XKR4: variants seen among roughly 807,000 people sequenced by gnomAD.
XKR4 encodes XK-related protein 4.
Under a neutral mutation model 53.9 loss-of-function variants are expected in XKR4, and 12 were observed. That is an observed-to-expected ratio of 0.22 (90% CI 0.14 to 0.36). The LOEUF (loss-of-function observed/expected upper bound fraction) is 0.36, where lower values mean the gene tolerates loss of function less well. Ranked by LOEUF, XKR4 falls within the 10% of genes least tolerant of loss-of-function variation. The probability of loss-of-function intolerance (pLI) is 1.00; values close to 1 mark genes in which losing one functional copy is unlikely to be tolerated. For missense variants in XKR4, 799 were observed against 859.5 expected (o/e 0.93, Z 0.88); for synonymous variants, 354 against 362.4 (o/e 0.98, Z 0.26).
chr8:55,357,859 A>C lies in XKR4; in HGVS notation c.988A>C (p.Ser330Arg). 6.2e-7 allele frequency: 1 copy of C among 1,613,114 alleles called. No homozygotes were observed. Among genetic ancestry groups the C allele is most frequent in the Non-Finnish European group, 8.5e-7 (1 of 1,179,136 alleles). ...LQLCIIVQTHSLQALQGFTAA... is the reference protein window; with the variant it reads ...LQLCIIVQTHRLQALQGFTAA... ...GCTCTGCATTATCGTACAGACTCAT[A>C]GCTTACAGGCCCTCCAAGGTAAGGG... The change falls in exon 2 of 3, where the codon AGC (serine) becomes CGC (arginine). Residue 330 changes from serine (S) to arginine (R), a missense_variant. Physicochemically the swap from Ser to Arg is moderately radical, Grantham distance 110. Coordinates refer to ENST00000327381, the MANE Select transcript of XKR4 (RefSeq NM_052898.2).
chr8:55,389,932 C>G (rs888403400), intron 2 of XKR4, among the ~76,000 whole-genome samples: 4 of 152,146 alleles, frequency 2.6e-5, no homozygotes, highest in African/African-American at 4.8e-5. Context: ...CCAAGACTCA[C>G]GTCAATGTTC....
chr8:55,431,423 C>T (rs1480811330), intron 2 of XKR4, among the ~76,000 whole-genome samples: 2 of 152,038 alleles, frequency 1.3e-5, no homozygotes, highest in Non-Finnish European at 2.9e-5. Flanking sequence ...CTTTTAAATG[C>T]CAGTATTTAA....
intron 1 of XKR4, among the ~76,000 whole-genome samples, chr8:55,262,863 T>G (rs1818546827): frequency 6.6e-6 from 1 of 152,170 alleles, no homozygotes; most frequent in Admixed American, 6.5e-5. Flanking sequence ...TCCCGTAGGC[T>G]AGATGGATGC....
At position 55,483,138 on chromosome 8, in the gene XKR4, G is replaced by T. The variant is rs145537481; in HGVS notation, c.1007-40143G>T. Among the ~76,000 whole-genome samples the T allele has an allele frequency of 2.5e-3, 385 of 152,220 alleles. 1 individual carries two copies. The highest frequency in any genetic ancestry group is 8.9e-3 in the African/African-American group (370 of 41,546). On this transcript the variant is annotated intron_variant, in intron 2 of 2. Coordinates refer to ENST00000327381, the MANE Select transcript of XKR4 (RefSeq NM_052898.2). ...TCTGTATTGTTTGGGAAAAAAATGG[G>T]TGTATAATTAGGAACCCGGATTCCA...
chr8:55,237,472 T>C (rs1818150197), intron 1 of XKR4, among the ~76,000 whole-genome samples: 1 of 152,116 alleles, frequency 6.6e-6, no homozygotes, highest in Non-Finnish European at 1.5e-5. Flanking sequence ...ATTCATTGAG[T>C]GGAAGTGGAT....
intron 2 of XKR4, among the ~76,000 whole-genome samples, chr8:55,385,779 C>T (rs771820294): frequency 6.6e-5 from 10 of 152,144 alleles, no homozygotes; most frequent in Non-Finnish European, 1.2e-4. Context: ...ACATTGCACT[C>T]ATATGCAAAT....
At chr8:55,349,595 C>T (rs1398112434) in intron 1 of XKR4, among the ~76,000 whole-genome samples, 1 of 152,070 alleles carries the variant, frequency 6.6e-6, no homozygotes, top group Non-Finnish European at 1.5e-5. Flanking sequence ...TGAGGATCAG[C>T]GCCTGAAAAA....
chr8:55,385,223 T>A (rs1804291521), intron 2 of XKR4, among the ~76,000 whole-genome samples: 1 of 152,120 alleles, frequency 6.6e-6, no homozygotes, highest in African/African-American at 2.4e-5. Context: ...CTCCGCCTCA[T>A]CTTTCTTGTT....
At chr8:55,138,989 C>T (rs930216604) in intron 1 of XKR4, among the ~76,000 whole-genome samples, 3 of 152,166 alleles carry the variant, frequency 2.0e-5, no homozygotes, top group Non-Finnish European at 4.4e-5. Context: ...TGACGTGGCT[C>T]GTCTGTCTGA....
Position 55,530,820 on chromosome 8 carries a change from A to G in XKR4, c.*6593A>G, listed in dbSNP as rs1806941887. 2 of 152,196 alleles carry G rather than the reference A, an allele frequency of 1.3e-5. No homozygotes were observed. The highest frequency in any genetic ancestry group is 1.9e-4 in the East Asian group (1 of 5,202). 9.4% of individuals were successfully genotyped at this position (152,196 alleles called of 1,614,324 possible). On this transcript the variant is annotated 3_prime_UTR_variant, in exon 3 of 3. Coordinates refer to ENST00000327381, the MANE Select transcript of XKR4 (RefSeq NM_052898.2). ...ATAGATGAGACAACTGAGATCCAAA[A>G]AGAACAGGTAATTTTTGTGATCAGG...
rs1818585254 is a variant in XKR4, at chr8:55,265,517, G to C, written c.807-92161G>C. On this transcript the variant is annotated intron_variant, in intron 1 of 2. Transcript: ENST00000327381. The stretch of plus-strand genomic sequence containing the variant: ...GTGAGTTTCTCAGAGACAGAAGTAG[G>C]GAAGATAAGTAGGGTGTAAAAACCA... 3.3e-5 allele frequency among the ~76,000 whole-genome samples: 5 copies of C among 152,260 alleles called. No homozygotes were observed. The South Asian group carries it at 8.3e-4, about 25-fold the overall frequency.
At chr8:55,306,087 A>G (rs887733526) in intron 1 of XKR4, among the ~76,000 whole-genome samples, 22 of 152,264 alleles carry the variant, frequency 1.4e-4, no homozygotes, top group Non-Finnish European at 2.9e-4. Flanking sequence ...ACAAACCACA[A>G]TTTTGTTTAA....
chr8:55,253,807 T>C (rs1213688888), intron 1 of XKR4, among the ~76,000 whole-genome samples: 1 of 151,082 alleles, frequency 6.6e-6, no homozygotes, highest in African/African-American at 2.4e-5. Context: ...GATCATGGCT[T>C]ACTGCAGCCT....
At position 55,540,875 on chromosome 8, in the gene XKR4, T is replaced by C. The variant is rs1045132158; in HGVS notation, c.*16648T>C. ...GTGTGAGCCTGAGTTACAAATGACA[T>C]GACTAGGGATACAAACTTCGTCTGT... On this transcript the variant is annotated 3_prime_UTR_variant, in exon 3 of 3. Transcript: ENST00000327381. 1 of 152,190 alleles carries C rather than the reference T, an allele frequency of 6.6e-6. No individual in the cohort carries two copies. Among genetic ancestry groups the C allele is most frequent in the Admixed American group, 6.5e-5 (1 of 15,280 alleles). The allele number at this position is 152,190 out of a possible 1,614,324, so 9.4% of individuals were successfully genotyped here. A position where few individuals can be genotyped will look rare whatever the true frequency, so the allele number is the denominator to read the frequency against.
intron 2 of XKR4, among the ~76,000 whole-genome samples, chr8:55,380,785 T>C (rs1405774470): frequency 6.6e-6 from 1 of 152,256 alleles, no homozygotes; most frequent in African/African-American, 2.4e-5. Flanking sequence ...ATCTTTGTTG[T>C]CTCTAGTAAC....
rs1462158155 is a variant in XKR4 at position 55,539,981 on chromosome 8, A to G, written c.*15754A>G. 5 of 152,176 alleles carry G rather than the reference A, an allele frequency of 3.3e-5. No homozygotes were observed. 9.4% of individuals were successfully genotyped at this position (152,176 alleles called of 1,614,324 possible). A position where few individuals can be genotyped will look rare whatever the true frequency, so the allele number is the denominator to read the frequency against. On this transcript the variant is annotated 3_prime_UTR_variant, in exon 3 of 3. Coordinates refer to ENST00000327381, the MANE Select transcript of XKR4 (RefSeq NM_052898.2). Reference sequence around the variant, plus strand: ...ACAACCCTTTGAAATGACAGAGTCTAGATTCTTCACCAAACAGATGAAAAG... The same window carrying G: ...ACAACCCTTTGAAATGACAGAGTCTGGATTCTTCACCAAACAGATGAAAAG...
chr8:55,453,088 A>T, intron 2 of XKR4: 26 of 564,112 alleles, frequency 4.6e-5, no homozygotes, highest in Non-Finnish European at 8.7e-5. Context: ...GGTGGGCTCC[A>T]GGTAAAGGAC....
chr8:55,199,642 T>C (rs1349085563), intron 1 of XKR4, among the ~76,000 whole-genome samples: 1 of 152,178 alleles, frequency 6.6e-6, no homozygotes, highest in Non-Finnish European at 1.5e-5. Flanking sequence ...GACTGTTAAT[T>C]TGACTCTCTC....
intron 1 of XKR4, among the ~76,000 whole-genome samples, chr8:55,141,381 CCA>C (rs1345216493): frequency 6.6e-6 from 1 of 152,110 alleles, no homozygotes; most frequent in Non-Finnish European, 1.5e-5. Flanking sequence ...TCGCTGTGGG[CCA>C]CAGTGGGGAG....
Sources: gnomAD v4.1 joint callset for allele counts (sites outside exome capture counted in the v4.1 genomes callset) on GRCh38, gnomAD v4.1.1 for gene constraint, MANE v1.5 for transcripts, NCBI Gene and HGNC (gene_info 2026-07-23, HGNC 2026-07-21) for gene names.